Variants in FOXP2 observed in about 807,000 individuals in gnomAD.
FOXP2 encodes forkhead box P2.
FOXP2 carries 12 observed loss-of-function variants against 115.8 expected under a neutral mutation model. That is an observed-to-expected ratio of 0.10 (90% confidence interval 0.07 to 0.17). The LOEUF is 0.17. Ranked by LOEUF, FOXP2 falls within the 10% of genes least tolerant of loss-of-function variation. The pLI is 1.00. For synonymous variants in FOXP2, 328 were observed against 297.7 expected (o/e 1.10, Z -1.05); for missense variants, 629 against 843.5 (o/e 0.75, Z 3.15).
At chr7:114,202,339 T>C (rs1794089072) in intron 1 of FOXP2, among the ~76,000 whole-genome samples, 1 of 152,196 alleles carries the variant, frequency 6.6e-6, no homozygotes, top group African/African-American at 2.4e-5. Context: ...TGTGCTAATA[T>C]GTGCTGGCTA....
intron 2 of FOXP2, among the ~76,000 whole-genome samples, chr7:114,344,369 A>T (rs1791289819): frequency 6.6e-6 from 1 of 151,848 alleles, no homozygotes; most frequent in Non-Finnish European, 1.5e-5. Context: ...AGATACAAAG[A>T]CATATAATAC....
At chr7:114,301,083 A>G (rs994283314) in intron 2 of FOXP2, among the ~76,000 whole-genome samples, 2 of 152,066 alleles carry the variant, frequency 1.3e-5, no homozygotes, top group Non-Finnish European at 2.9e-5. Flanking sequence ...ATTAGAATTT[A>G]TATTCCCTAT....
chr7:114,581,865 C>G (rs1296116467), intron 3 of FOXP2, among the ~76,000 whole-genome samples: 1 of 152,162 alleles, frequency 6.6e-6, no homozygotes, highest in Non-Finnish European at 1.5e-5. Flanking sequence ...GGGTTTAAGA[C>G]TGTGGATAAG....
chr7:114,232,536 C>T (rs529176696), intron 1 of FOXP2, among the ~76,000 whole-genome samples: 75 of 152,112 alleles, frequency 4.9e-4, no homozygotes, highest in Admixed American at 4.3e-3. Flanking sequence ...TTAGCAGGCC[C>T]GGCAGGGTGG....
intron 2 of FOXP2, among the ~76,000 whole-genome samples, chr7:114,474,968 CA>C (rs1399124141): frequency 6.6e-6 from 1 of 151,954 alleles, no homozygotes; most frequent in Non-Finnish European, 1.5e-5. Context: ...AGAATGATGA[CA>C]AACTTGAAAG....
intron 1 of FOXP2, among the ~76,000 whole-genome samples, chr7:114,144,608 T>C (rs761986684): frequency 2.6e-5 from 4 of 152,174 alleles, no homozygotes; most frequent in African/African-American, 2.4e-5. Flanking sequence ...CATATTAAAA[T>C]ATTAACTATA....
At chr7:114,431,470 A>G (rs1794108008) in intron 2 of FOXP2, among the ~76,000 whole-genome samples, 1 of 151,936 alleles carries the variant, frequency 6.6e-6, no homozygotes, top group Non-Finnish European at 1.5e-5. Flanking sequence ...TAACATTGCA[A>G]AGAGAGGCAT....
intron 2 of FOXP2, among the ~76,000 whole-genome samples, chr7:114,404,169 G>T (rs573330294): frequency 2.0e-5 from 3 of 152,144 alleles, no homozygotes; most frequent in Admixed American, 6.5e-5. Context: ...GAGAGAAGGG[G>T]TGTCAATATC....
At chr7:114,681,638 G>A (rs1010412973) in intron 16 of FOXP2, among the ~76,000 whole-genome samples, 1 of 152,166 alleles carries the variant, frequency 6.6e-6, no homozygotes, top group East Asian at 1.9e-4. Flanking sequence ...CTATTGATCT[G>A]AAAGTGATCT....
In FOXP2 at chr7:114,689,976, T is replaced by TA; in HGVS notation, c.*52dup. On this transcript the variant is annotated 3_prime_UTR_variant, in exon 17 of 17. Coordinates refer to ENST00000350908, the MANE Select transcript of FOXP2 (RefSeq NM_014491.4). ...TGAAGGGACATATCACTGACCTTCA[T>TA]AACCACTCCACAACCATGAATATTT... 6 of 1,602,952 alleles carry TA rather than the reference T, an allele frequency of 3.7e-6. No homozygotes were observed. In the East Asian group the frequency reaches 1.3e-4, roughly 36 times the overall value.
intron 8 of FOXP2, among the ~76,000 whole-genome samples, chr7:114,648,088 GTTTA>G (rs1178454438): frequency 1.3e-5 from 2 of 152,162 alleles, no homozygotes; most frequent in East Asian, 3.9e-4. Flanking sequence ...AAACAGAGTA[GTTTA>G]TTTAATAGAA....
At chr7:114,682,600 G>T (rs1808147752) in intron 16 of FOXP2, among the ~76,000 whole-genome samples, 1 of 152,072 alleles carries the variant, frequency 6.6e-6, no homozygotes, top group Non-Finnish European at 1.5e-5. Flanking sequence ...GAACACCACA[G>T]AAATATCCAC....
chr7:114,263,198 A>G (rs1194184126), intron 1 of FOXP2, among the ~76,000 whole-genome samples: 2 of 151,992 alleles, frequency 1.3e-5, no homozygotes, highest in African/African-American at 4.8e-5. Context: ...ATTGCTCACT[A>G]TCCTTTATTT....
chr7:114,459,685 G>A (rs949107182), intron 2 of FOXP2, among the ~76,000 whole-genome samples: 7 of 151,300 alleles, frequency 4.6e-5, no homozygotes, highest in African/African-American at 1.7e-4. Context: ...GTGTGATCTC[G>A]GCTCACAGCA....
chr7:114,176,398 G>C (rs1042299840), intron 1 of FOXP2, among the ~76,000 whole-genome samples: 1 of 150,506 alleles, frequency 6.6e-6, no homozygotes, highest in Non-Finnish European at 1.5e-5. Context: ...GAGTGCAGTG[G>C]TGCAGTCTCA....
At chr7:114,262,166 G>A (rs1300286297) in intron 1 of FOXP2, among the ~76,000 whole-genome samples, 2 of 152,112 alleles carry the variant, frequency 1.3e-5, no homozygotes, top group East Asian at 1.9e-4. Flanking sequence ...GCTCATGCCT[G>A]TAATCCAAGC....
At chr7:114,643,091 G>T in intron 7 of FOXP2, among the ~76,000 whole-genome samples, 1 of 151,750 alleles carries the variant, frequency 6.6e-6, no homozygotes, top group East Asian at 1.9e-4. Flanking sequence ...GATTACAGGC[G>T]TGAGCCACCG....
intron 2 of FOXP2, among the ~76,000 whole-genome samples, chr7:114,486,350 GA>G (rs1457936640): frequency 6.6e-6 from 1 of 152,016 alleles, no homozygotes; most frequent in Non-Finnish European, 1.5e-5. Flanking sequence ...AAGAGGATGG[GA>G]AAAACCCACC....
chr7:114,657,960 G>A (rs1806673921), intron 10 of FOXP2, 106 bp from the exon 11 acceptor site: 1 of 1,211,326 alleles, frequency 8.3e-7, no homozygotes. Flanking sequence ...CAGCTTATTA[G>A]TGGCAACACA....
Sources: allele counts gnomAD v4.1 joint callset (sites outside exome capture counted in the v4.1 genomes callset), GRCh38; gene constraint gnomAD v4.1.1; transcripts MANE v1.5; gene names NCBI Gene and HGNC (gene_info 2026-07-23, HGNC 2026-07-21).